Variants in OR4E2 observed in about 807,000 individuals in gnomAD.
The protein encoded by OR4E2 is olfactory receptor family 4 subfamily E member 2, also known as olfactory receptor 4E2.
OR4E2 carries 9 observed loss-of-function variants against 11.0 expected under a neutral mutation model. The observed-to-expected ratio is 0.82, with a 90% CI of 0.49 to 1.43. The LOEUF (loss-of-function observed/expected upper bound fraction) is 1.43, where lower values mean the gene tolerates loss of function less well. Among genes scored for constraint, OR4E2 ranks in the 40% most tolerant of loss-of-function variants. The pLI, the probability that OR4E2 is intolerant of heterozygous loss-of-function variation, is 0.00. For synonymous variants in OR4E2, 159 were observed against 147.3 expected, an observed-to-expected ratio of 1.08 and a Z score of -0.57; for missense variants, 441 against 382.0, an observed-to-expected ratio of 1.15 and a Z score of -1.29.
intron 2 of OR4E2, among the ~76,000 whole-genome samples, chr14:21,660,286 G>A (rs931688889): frequency 4.6e-5 from 7 of 152,196 alleles, no homozygotes; most frequent in Admixed American, 1.3e-4. Context: ...GAGCTCAGGT[G>A]GTGATGCTGA....
At position 21,665,610 on chromosome 14, in the gene OR4E2, C is replaced by T. The variant is rs1880600859; in HGVS notation, c.528C>T (p.Ser176=). Residue 176 remains serine, a synonymous_variant, in exon 4 of 4, where the codon AGC becomes AGT. Transcript: ENST00000641524. The stretch of plus-strand genomic sequence containing the variant: ...ACTGTGGCCCCAACATTATTGACAG[C>T]TACTTCTGTGATGTGCCTCTTGTTA... ...LPYCGPNIID[S]YFCDVPLVIK... is the part of the protein sequence containing the mutation. 10 of 1,613,972 alleles carry T rather than the reference C, an allele frequency of 6.2e-6. No homozygotes were observed. The highest frequency in any genetic ancestry group is 2.7e-5 in the African/African-American group (2 of 74,922).
Position 21,667,254 on chromosome 14 carries a change from A to G in OR4E2, c.*1230A>G, listed in dbSNP as rs942250466. On this transcript the variant is annotated 3_prime_UTR_variant, in exon 4 of 4. Coordinates refer to ENST00000641524, the MANE Select transcript of OR4E2 (RefSeq NM_001001912.3). ...ATAATTGATTGGGGTCTTTGTCACT[A>G]TTTTCCACATGGTCTGTCAACTTAT... is the stretch of plus-strand genomic sequence containing the variant. 6 of 152,110 alleles carry G rather than the reference A, an allele frequency of 3.9e-5. No homozygotes were observed. The highest frequency in any genetic ancestry group is 8.8e-5 in the Non-Finnish European group (6 of 68,012). 9.4% of individuals were successfully genotyped at this position (152,110 alleles called of 1,614,324 possible). A position where few individuals can be genotyped will look rare whatever the true frequency, so the allele number is the denominator to read the frequency against.
chr14:21,658,143 T>C (rs1173636075), intron 2 of OR4E2, among the ~76,000 whole-genome samples: 1 of 152,166 alleles, frequency 6.6e-6, no homozygotes, highest in Non-Finnish European at 1.5e-5. Flanking sequence ...TATTGAGTAA[T>C]AGAAAGGCCT....
At chr14:21,657,569 CTCT>C (rs2139800169) in intron 2 of OR4E2, among the ~76,000 whole-genome samples, 1 of 137,882 alleles carries the variant, frequency 7.3e-6, no homozygotes, top group South Asian at 2.9e-4. Context: ...CTCTCTCTCT[CTCT>C]CTCCCCCTTC....
rs373675562 is a variant in OR4E2, at chr14:21,665,842, T to C, written c.760T>C (p.Cys254Arg). Residue 254 changes from cysteine to arginine, a missense_variant, in exon 4 of 4, where the codon TGT becomes CGT. By Grantham distance (180) the Cys-to-Arg change is radical. Transcript: ENST00000641524. Reference sequence around the variant, plus strand: ...GGTGGTTGCCCTCTTCTTTGGGCCATGTATCTTCATCTATACTCGGCCAGA... The same window carrying C: ...GGTGGTTGCCCTCTTCTTTGGGCCACGTATCTTCATCTATACTCGGCCAGA... ...FMVVALFFGP[C>R]IFIYTRPDTS... 64 of 1,611,494 alleles carry C rather than the reference T, an allele frequency of 4.0e-5. No homozygotes were observed. Among genetic ancestry groups the C allele is most frequent in the Non-Finnish European group, 5.4e-5 (64 of 1,178,698 alleles).
chr14:21,665,586 C>T lies in OR4E2; in HGVS notation c.504C>T (p.Tyr168=). ...CCTTCTTGACTATTCGTCTACCTTA[C>T]TGTGGCCCCAACATTATTGACAGCT... ...GQTFLTIRLP[Y]CGPNIIDSYF... is the part of the protein sequence containing the mutation. Residue 168 remains tyrosine, a synonymous_variant, in exon 4 of 4, where the codon TAC becomes TAT. Coordinates refer to ENST00000641524, the MANE Select transcript of OR4E2 (RefSeq NM_001001912.3). 4 of 1,614,100 alleles carry T rather than the reference C, an allele frequency of 2.5e-6. No homozygotes were observed. Among genetic ancestry groups the T allele is most frequent in the Non-Finnish European group, 3.4e-6 (4 of 1,179,986 alleles).
At chr14:21,660,533 T>C (rs1880261505) in intron 2 of OR4E2, 120 bp from the exon 3 acceptor site, 1 of 152,226 alleles carries the variant, frequency 6.6e-6, no homozygotes, top group African/African-American at 2.4e-5. Context: ...AGTTGTGTCA[T>C]TGAGGGCTTT....
At chr14:21,658,882 G>A (rs967195756) in intron 2 of OR4E2, among the ~76,000 whole-genome samples, 2 of 151,904 alleles carry the variant, frequency 1.3e-5, no homozygotes, top group African/African-American at 4.8e-5. Flanking sequence ...TGGGGATTCT[G>A]GTGCTTTTAG....
Position 21,666,548 on chromosome 14 carries a change from T to C in OR4E2, c.*524T>C, listed in dbSNP as rs1880660087. On this transcript the variant is annotated 3_prime_UTR_variant, in exon 4 of 4. Coordinates refer to ENST00000641524, the MANE Select transcript of OR4E2 (RefSeq NM_001001912.3). ...TGTAATTCTCTCATGTCTAGATCTA[T>C]TTTGTACTTTTTTTTTGAGACAGGA... 1.3e-5 allele frequency: 2 copies of C among 150,644 alleles called. No homozygotes were observed. The highest frequency in any genetic ancestry group is 3.0e-5 in the Non-Finnish European group (2 of 67,176). 9.3% of individuals were successfully genotyped at this position (150,644 alleles called of 1,614,324 possible).
rs747766296 is a variant in OR4E2 at position 21,665,862 on chromosome 14, G to A, written c.780G>A (p.Arg260=). The A allele has an allele frequency of 9.3e-6, 15 of 1,609,376 alleles. No homozygotes were observed. The South Asian group carries it at 1.3e-4, about 14-fold the overall frequency. The change falls in exon 4 of 4, where the codon CGG becomes CGA. Residue 260 remains arginine (R), a synonymous_variant. Transcript: ENST00000641524. ...FFGPCIFIYT[R]PDTSFSIDKV... is the part of the protein sequence containing the mutation. ...GGCCATGTATCTTCATCTATACTCGGCCAGACACCAGCTTCTCCATTGACA... is the reference window on the plus strand; with the variant it reads ...GGCCATGTATCTTCATCTATACTCGACCAGACACCAGCTTCTCCATTGACA...
At chr14:21,661,983 C>T (rs1292706954) in intron 3 of OR4E2, among the ~76,000 whole-genome samples, 1 of 152,170 alleles carries the variant, frequency 6.6e-6, no homozygotes, top group African/African-American at 2.4e-5. Flanking sequence ...ATAATACCTA[C>T]TTCTAGTAGC....
chr14:21,656,221 T>A (rs1879942299), intron 1 of OR4E2, among the ~76,000 whole-genome samples: 1 of 148,812 alleles, frequency 6.7e-6, no homozygotes, highest in African/African-American at 2.5e-5. Flanking sequence ...TAGCTGGACA[T>A]GGTTGGTGTG....
At chr14:21,664,248 A>T (rs1880499541) in intron 3 of OR4E2, among the ~76,000 whole-genome samples, 1 of 152,184 alleles carries the variant, frequency 6.6e-6, no homozygotes, top group Admixed American at 6.5e-5. Flanking sequence ...TTTCCTCCAC[A>T]ACCTCACCAA....
chr14:21,657,922 C>A (rs771958985), intron 2 of OR4E2, among the ~76,000 whole-genome samples: 11 of 152,040 alleles, frequency 7.2e-5, no homozygotes, highest in Non-Finnish European at 1.2e-4. Context: ...GAAGCAAGGA[C>A]ATCATTTTGT....
At position 21,666,291 on chromosome 14, in the gene OR4E2, T is replaced by C; in HGVS notation, c.*267T>C. ...TAAAGACAGCTTTTGATTTCATCAG[T>C]AAAAGAATACAATTTGGGGAACTCA... On this transcript the variant is annotated 3_prime_UTR_variant, in exon 4 of 4. Coordinates refer to ENST00000641524, the MANE Select transcript of OR4E2 (RefSeq NM_001001912.3). 2.8e-6 allele frequency: 1 copy of C among 355,738 alleles called. No homozygotes were observed. The highest frequency in any genetic ancestry group is 5.1e-6 in the Non-Finnish European group (1 of 196,730). The allele number at this position is 355,738 out of a possible 1,614,324, so 22.0% of individuals were successfully genotyped here. A position where few individuals can be genotyped will look rare whatever the true frequency, so the allele number is the denominator to read the frequency against.
intron 3 of OR4E2, among the ~76,000 whole-genome samples, chr14:21,664,376 C>T (rs773355660): frequency 4.6e-5 from 7 of 152,212 alleles, no homozygotes; most frequent in South Asian, 2.1e-4. Context: ...TGTTTGTTGG[C>T]CACATAAATG....
chr14:21,663,056 G>C (rs886421460), intron 3 of OR4E2, among the ~76,000 whole-genome samples: 4 of 152,112 alleles, frequency 2.6e-5, no homozygotes, highest in Admixed American at 1.3e-4. Flanking sequence ...GTGAAGGAAG[G>C]CTTGAGTTCT....
rs1880555990 is a variant in OR4E2 at position 21,665,103 on chromosome 14, A to C, written c.21A>C (p.Thr7=). The C allele has an allele frequency of 1.2e-6, 2 of 1,610,808 alleles. No homozygotes were observed. The highest frequency in any genetic ancestry group is 1.7e-6 in the Non-Finnish European group (2 of 1,178,156). Residue 7 remains threonine, a synonymous_variant, in exon 4 of 4, where the codon ACA becomes ACC. Coordinates refer to ENST00000641524, the MANE Select transcript of OR4E2 (RefSeq NM_001001912.3). The part of the protein sequence containing the change: MDSLNQ[T]RVTEFVFLGL... Reference sequence around the variant, plus strand: ...ATTGAATGGACAGTCTAAACCAAACAAGAGTGACTGAATTTGTCTTCTTGG... The same window carrying C: ...ATTGAATGGACAGTCTAAACCAAACCAGAGTGACTGAATTTGTCTTCTTGG...
chr14:21,658,768 T>C (rs940097552), intron 2 of OR4E2, among the ~76,000 whole-genome samples: 1 of 151,954 alleles, frequency 6.6e-6, no homozygotes, highest in African/African-American at 2.4e-5. Context: ...GTAAAAAAGG[T>C]AGACAAAGAG....
Sources: allele counts gnomAD v4.1 joint callset (sites outside exome capture counted in the v4.1 genomes callset), GRCh38; gene constraint gnomAD v4.1.1; transcripts MANE v1.5; gene names NCBI Gene and HGNC (gene_info 2026-07-23, HGNC 2026-07-21).